The following UMODL1 variants were observed in gnomAD, a reference collection of about 807,000 sequenced individuals.
The protein encoded by UMODL1 is uromodulin-like 1.
UMODL1 carries 128 observed loss-of-function variants against 136.3 expected under a neutral mutation model. That is an observed-to-expected ratio of 0.94 (90% CI 0.81 to 1.09). The LOEUF (loss-of-function observed/expected upper bound fraction) is 1.09. Ranked by LOEUF, UMODL1 falls within the 50% of genes least tolerant of loss-of-function variation. The pLI is 0.00. For synonymous variants in UMODL1, 721 were observed against 720.0 expected (o/e 1.00, Z -0.02); for missense variants, 1,766 against 1,725.6 (o/e 1.02, Z -0.41).
chr21:42,071,465 C>T, intron 1 of UMODL1, 73 bp downstream of exon 1: 1 of 1,388,956 alleles, frequency 7.2e-7, no homozygotes. Flanking sequence ...ATGAGGACAG[C>T]CCCCTGTGGA....
rs140621452 is a variant in UMODL1 at position 42,080,300 on chromosome 21, G to T, written c.320-3784G>T. On this transcript the variant is annotated intron_variant, in intron 2 of 22. Transcript: ENST00000408910. ...GGGCCCGAAGCTGGACCTGGCAGAT[G>T]TTGGAGGCCCCTGGAAATACTGGGA... 2.8e-4 allele frequency among the ~76,000 whole-genome samples: 43 copies of T among 152,324 alleles called. No homozygotes were observed. The East Asian group carries it at 6.9e-3, about 25-fold the overall frequency.
intron 2 of UMODL1, 28 bp downstream of exon 2, chr21:42,076,275 G>A (rs948445975): frequency 8.1e-6 from 13 of 1,609,498 alleles, no homozygotes; most frequent in Admixed American, 3.3e-5. Context: ...GGGCTGGGGC[G>A]GGGCCACCCT....
intron 21 of UMODL1, among the ~76,000 whole-genome samples, chr21:42,130,796 G>C (rs1019926109): frequency 1.5e-4 from 22 of 151,310 alleles, no homozygotes; most frequent in African/African-American, 4.6e-4. Context: ...GCAGGCCTGG[G>C]TTCTGACCTC....
At chr21:42,137,750 T>A in intron 22 of UMODL1, 109 bp downstream of exon 22, 7 of 948,416 alleles carry the variant, frequency 7.4e-6, no homozygotes, top group Non-Finnish European at 9.0e-6. Flanking sequence ...GTGGGAGGTG[T>A]AGGCTGACAG....
At chr21:42,077,305 G>A (rs2066306204) in intron 2 of UMODL1, among the ~76,000 whole-genome samples, 1 of 151,978 alleles carries the variant, frequency 6.6e-6, no homozygotes, top group African/African-American at 2.4e-5. Flanking sequence ...GTTGTACCCA[G>A]GCGAGTTAGA....
intron 17 of UMODL1, among the ~76,000 whole-genome samples, chr21:42,125,238 G>A (rs1411410010): frequency 6.6e-6 from 1 of 152,180 alleles, no homozygotes; most frequent in Non-Finnish European, 1.5e-5. Context: ...AGCTAGCCCT[G>A]GGGAGCAGAG....
Position 42,126,491 on chromosome 21 carries a change from G to A in UMODL1, c.3293+1G>A. ...CCTCCGGCTTCACCCTGGAGTGGGG[G>A]TAAGGGAGAAATGCCCCGGCTGCCC... On this transcript the variant is annotated splice_donor_variant, in intron 18 of 22. Transcript: ENST00000408910. LOFTEE classifies it high-confidence loss of function. 1 of 1,614,210 alleles carries A rather than the reference G, an allele frequency of 6.2e-7. No homozygotes were observed. The highest frequency in any genetic ancestry group is 8.5e-7 in the Non-Finnish European group (1 of 1,180,030).
chr21:42,129,536 C>A (rs372978263), intron 20 of UMODL1, among the ~76,000 whole-genome samples, 177 bp from the exon 21 acceptor site: 1 of 152,190 alleles, frequency 6.6e-6, no homozygotes, highest in African/African-American at 2.4e-5. Flanking sequence ...GCACCAGGAC[C>A]CACCACCCTG....
At chr21:42,119,483 G>A (rs1198473045) in intron 15 of UMODL1, among the ~76,000 whole-genome samples, 159 bp downstream of exon 15, 2 of 152,220 alleles carry the variant, frequency 1.3e-5, no homozygotes, top group Non-Finnish European at 2.9e-5. Context: ...GACCCTGTCT[G>A]TCCCTCTTAT....
At position 42,085,189 on chromosome 21, in the gene UMODL1, C is replaced by T; in HGVS notation, c.482-102C>T. The T allele has an allele frequency of 6.8e-7, 1 of 1,462,752 alleles. No homozygotes were observed. Among genetic ancestry groups the T allele is most frequent in the Non-Finnish European group, 9.3e-7 (1 of 1,079,514 alleles). 90.6% of individuals were successfully genotyped at this position (1,462,752 alleles called of 1,614,324 possible). On this transcript the variant is annotated intron_variant, in intron 3 of 22. Coordinates refer to ENST00000408910, the MANE Select transcript of UMODL1 (RefSeq NM_001004416.3). The surrounding 1 kb of genome is among the most constrained non-coding windows in gnomAD (Gnocchi z 4.5). Reference sequence around the variant, plus strand: ...GAGGTAAATGCAGAGCAGGGCCTCTCATGGCCTCTGGTTCCCTCTCCTGCC... The same window carrying T: ...GAGGTAAATGCAGAGCAGGGCCTCTTATGGCCTCTGGTTCCCTCTCCTGCC...
intron 9 of UMODL1, among the ~76,000 whole-genome samples, chr21:42,107,213 G>T (rs181388442): frequency 2.0e-5 from 3 of 152,288 alleles, no homozygotes; most frequent in Admixed American, 2.0e-4. Flanking sequence ...CTAGAGTGAG[G>T]GTCATCACTG....
intron 2 of UMODL1, among the ~76,000 whole-genome samples, chr21:42,079,236 T>C (rs1299634103): frequency 6.6e-6 from 1 of 152,218 alleles, no homozygotes; most frequent in African/African-American, 2.4e-5. Flanking sequence ...GACCCTGGCC[T>C]GCTGCAGCAA....
In UMODL1 at chr21:42,126,358, C is replaced by T; in HGVS notation, c.3161C>T (p.Thr1054Ile). Residue 1054 changes from threonine to isoleucine, a missense_variant, in exon 18 of 23, where the codon ACC becomes ATC. Physicochemically the swap from Thr to Ile is moderately conservative, Grantham distance 89. Transcript: ENST00000408910. Reference sequence around the variant, plus strand: ...CTTTGTGCTCAGAACATGACGAACACCGTGGTGAGGACCACGCTGAGGAAC... The same window carrying T: ...CTTTGTGCTCAGAACATGACGAACATCGTGGTGAGGACCACGCTGAGGAAC... ...GTLMQSNMTNTVVRTTLRNDL... is the reference protein window; with the variant it reads ...GTLMQSNMTNIVVRTTLRNDL... The T allele has an allele frequency of 1.2e-6, 2 of 1,614,158 alleles. No individual in the cohort carries two copies. Among genetic ancestry groups the T allele is most frequent in the South Asian group, 2.2e-5 (2 of 91,084 alleles).
At chr21:42,131,915 G>A (rs1387526759) in intron 21 of UMODL1, among the ~76,000 whole-genome samples, 2 of 152,214 alleles carry the variant, frequency 1.3e-5, no homozygotes, top group African/African-American at 4.8e-5. Context: ...AATAGCATAT[G>A]TGTGAAATAT....
chr21:42,131,737 C>T (rs2067137399), intron 21 of UMODL1, among the ~76,000 whole-genome samples: 1 of 150,482 alleles, frequency 6.6e-6, no homozygotes, highest in South Asian at 2.1e-4. Context: ...AGGTCCCAGG[C>T]CACACCCCAG....
intron 2 of UMODL1, among the ~76,000 whole-genome samples, chr21:42,079,982 G>A (rs1287827899): frequency 6.6e-6 from 1 of 152,214 alleles, no homozygotes; most frequent in Non-Finnish European, 1.5e-5. Flanking sequence ...CCTGGTGAAG[G>A]GCACAGCCCA....
chr21:42,071,856 G>A (rs2066235594), intron 1 of UMODL1, among the ~76,000 whole-genome samples: 1 of 148,148 alleles, frequency 6.8e-6, no homozygotes, highest in African/African-American at 2.5e-5. Context: ...ACCTAGCCTG[G>A]GCAACATCAT....
At chr21:42,083,067 G>A (rs1010294181) in intron 2 of UMODL1, among the ~76,000 whole-genome samples, 2 of 152,188 alleles carry the variant, frequency 1.3e-5, no homozygotes, top group Non-Finnish European at 1.5e-5. Context: ...GGCTGGCCGC[G>A]TTTCTGTGTC....
chr21:42,119,441 C>T (rs2066942168), intron 15 of UMODL1, 117 bp downstream of exon 15: 1 of 872,516 alleles, frequency 1.1e-6, no homozygotes, highest in African/African-American at 1.7e-5. Flanking sequence ...TCCTTCTTCC[C>T]CCAGAATTAG....
Sources: allele counts gnomAD v4.1 joint callset (sites outside exome capture counted in the v4.1 genomes callset), GRCh38; gene constraint gnomAD v4.1.1; non-coding constraint Gnocchi (gnomAD v3.1); transcripts MANE v1.5; gene names NCBI Gene and HGNC (gene_info 2026-07-23, HGNC 2026-07-21).